The following CYLC2 variants were observed in gnomAD, a reference collection of about 807,000 sequenced individuals.
The protein encoded by CYLC2 is cylicin 2, also known as cylicin-2.
Under a neutral mutation model 26.1 loss-of-function variants are expected in CYLC2, and 30 were observed. That is an observed-to-expected ratio of 1.15 (90% CI 0.86 to 1.56). The LOEUF is 1.56. Ranked by LOEUF, CYLC2 falls within the 40% of genes most tolerant of loss-of-function variation. CYLC2 has a pLI of 0.00. For synonymous variants in CYLC2, 158 were observed against 132.8 expected, an observed-to-expected ratio of 1.19 and a Z score of -1.31; for missense variants, 498 against 394.4, an observed-to-expected ratio of 1.26 and a Z score of -2.23.
intron 2 of CYLC2, among the ~76,000 whole-genome samples, chr9:103,002,266 C>A (rs1829295599): frequency 6.6e-6 from 1 of 151,804 alleles, no homozygotes; most frequent in South Asian, 2.1e-4. Context: ...CTTCACCTAC[C>A]CAGTCACCAT....
rs1829253724 is a variant in CYLC2 at position 102,997,948 on chromosome 9, C to T, written c.17+2551C>T. Among the ~76,000 whole-genome samples the T allele has an allele frequency of 2.0e-5, 3 of 151,958 alleles. No homozygotes were observed. In the South Asian group the frequency reaches 6.2e-4, roughly 31 times the overall value. On this transcript the variant is annotated intron_variant, in intron 1 of 7. Transcript: ENST00000374798. ...TTAAGAAATAAAGTCCCCCATGTCT[C>T]TTGCTTCTCTACTTTTTATTTCAGA...
intron 1 of CYLC2, 128 bp from the exon 2 acceptor site, chr9:103,001,450 C>A: frequency 1.6e-6 from 1 of 642,742 alleles, no homozygotes; most frequent in Non-Finnish European, 2.8e-6. Context: ...TCTTATATAA[C>A]AAAAGATATC....
At chr9:103,014,562 A>G (rs1829469942) in intron 6 of CYLC2, among the ~76,000 whole-genome samples, 2 of 143,378 alleles carry the variant, frequency 1.4e-5, no homozygotes, top group Non-Finnish European at 3.0e-5. Flanking sequence ...AGTATACATC[A>G]TATGTATATT....
chr9:103,009,056 A>T (rs943746246), intron 5 of CYLC2, among the ~76,000 whole-genome samples: 1 of 152,124 alleles, frequency 6.6e-6, no homozygotes, highest in East Asian at 1.9e-4. Flanking sequence ...TTGGATTTTT[A>T]AAAATATTTT....
intron 1 of CYLC2, among the ~76,000 whole-genome samples, chr9:102,998,737 C>T (rs1212997315): frequency 6.6e-6 from 1 of 151,892 alleles, no homozygotes; most frequent in African/African-American, 2.4e-5. Flanking sequence ...ACTTTGATCA[C>T]ACAAAAAAGA....
chr9:103,013,285 TTAAA>T (rs1829434842), intron 6 of CYLC2, among the ~76,000 whole-genome samples: 1 of 80,452 alleles, frequency 1.2e-5, no homozygotes, highest in African/African-American at 5.1e-5. Context: ...ATATAACACA[TTAAA>T]TATATATTTA....
intron 5 of CYLC2, among the ~76,000 whole-genome samples, chr9:103,010,243 A>G (rs1410245779): frequency 1.3e-5 from 2 of 152,102 alleles, no homozygotes; most frequent in African/African-American, 4.8e-5. Context: ...CTTTATAATC[A>G]AGAAAATCCT....
At chr9:103,004,881 C>T (rs751523114) in intron 4 of CYLC2, 30 bp downstream of exon 4, 1 of 1,590,946 alleles carries the variant, frequency 6.3e-7, no homozygotes, top group East Asian at 2.2e-5. Context: ...TTTATAGTAT[C>T]TCTGTAATTT....
At chr9:103,012,376 C>T (rs1370897456) in intron 6 of CYLC2, among the ~76,000 whole-genome samples, 1 of 151,904 alleles carries the variant, frequency 6.6e-6, no homozygotes, top group Non-Finnish European at 1.5e-5. Context: ...TGGACAATGC[C>T]TCATTAGTAA....
At position 103,005,130 on chromosome 9, in the gene CYLC2, G is replaced by T; in HGVS notation, c.499G>T (p.Asp167Tyr). Reference sequence around the variant, plus strand: ...GAAAGATAGCAAAAAAGGTAAAAAGGATGCAGAGAAGGGCAAAGACTCAGC... The same window carrying T: ...GAAAGATAGCAAAAAAGGTAAAAAGTATGCAGAGAAGGGCAAAGACTCAGC... ...AKKDSKKGKKDAEKGKDSATE... is the reference protein window; with the variant it reads ...AKKDSKKGKKYAEKGKDSATE... Residue 167 changes from aspartate to tyrosine, a missense_variant, in exon 5 of 8, where the codon GAT becomes TAT. By Grantham distance (160) the Asp-to-Tyr change is radical (BLOSUM62 -3). Coordinates refer to ENST00000374798, the MANE Select transcript of CYLC2 (RefSeq NM_001340.5). 1 of 1,608,256 alleles carries T rather than the reference G, an allele frequency of 6.2e-7. No homozygotes were observed. The highest frequency in any genetic ancestry group is 8.5e-7 in the Non-Finnish European group (1 of 1,177,988).
chr9:103,007,351 TGAAA>T (rs1295546381), intron 5 of CYLC2, among the ~76,000 whole-genome samples: 1 of 152,060 alleles, frequency 6.6e-6, no homozygotes, highest in African/African-American at 2.4e-5. Context: ...TTATTTTGAT[TGAAA>T]GAAGGATGAA....
intron 5 of CYLC2, among the ~76,000 whole-genome samples, chr9:103,007,418 G>T (rs1829363701): frequency 6.6e-6 from 1 of 152,072 alleles, no homozygotes; most frequent in African/African-American, 2.4e-5. Flanking sequence ...GCATATGAAA[G>T]AGCTACTTGA....
chr9:103,002,511 G>A (rs537457209), intron 2 of CYLC2, among the ~76,000 whole-genome samples: 4 of 151,676 alleles, frequency 2.6e-5, no homozygotes, highest in East Asian at 1.9e-4. Context: ...GACTACAGGC[G>A]CCTGCCACCA....
intron 6 of CYLC2, among the ~76,000 whole-genome samples, chr9:103,014,635 T>A (rs189976192): frequency 7.7e-6 from 1 of 130,562 alleles, no homozygotes. Context: ...GCAGTATACA[T>A]CATATGTATA....
At chr9:102,999,951 G>T (rs990324524) in intron 1 of CYLC2, among the ~76,000 whole-genome samples, 1 of 151,618 alleles carries the variant, frequency 6.6e-6, no homozygotes. Flanking sequence ...AAGGATTTGG[G>T]TTATTTATAT....
At chr9:103,013,802 T>C (rs991761010) in intron 6 of CYLC2, among the ~76,000 whole-genome samples, 3 of 101,160 alleles carry the variant, frequency 3.0e-5, no homozygotes, top group South Asian at 3.0e-4. Context: ...TTTTATATTA[T>C]ATATTATTAT....
intron 5 of CYLC2, among the ~76,000 whole-genome samples, chr9:103,010,194 GTTAA>G (rs1270201529): frequency 6.6e-6 from 1 of 151,850 alleles, no homozygotes; most frequent in East Asian, 1.9e-4. Flanking sequence ...CATATACCAA[GTTAA>G]TTATGTACCA....
chr9:102,995,397 T>G lies in CYLC2; in HGVS notation c.17T>G (p.Phe6Cys), dbSNP rs768613134. The change falls in exon 1 of 8, where the codon TTC (phenylalanine) becomes TGC (cysteine). Residue 6 changes from phenylalanine to cysteine, a missense_variant and splice_region_variant. Coordinates refer to ENST00000374798, the MANE Select transcript of CYLC2 (RefSeq NM_001340.5). Reference protein sequence around the residue: MSLPRFQRVNFGPYDN... With the variant: MSLPRCQRVNFGPYDN... ...GTGGGGAAAATGTCTCTCCCAAGATTGTAAGTCAAATTTTATGTTTTAAAA... is the reference window on the plus strand; with the variant it reads ...GTGGGGAAAATGTCTCTCCCAAGATGGTAAGTCAAATTTTATGTTTTAAAA... 1 of 1,603,314 alleles carries G rather than the reference T, an allele frequency of 6.2e-7. No homozygotes were observed. Among genetic ancestry groups the G allele is most frequent in the South Asian group, 1.1e-5 (1 of 90,752 alleles).
rs1334943223 is a variant in CYLC2, at chr9:103,006,274, A to G, written c.*596A>G. Reference sequence around the variant, plus strand: ...AAGTAAAAGAAAAGAAAAAAAATGTATTACCACCCGATGAGCCTACATCTT... The same window carrying G: ...AAGTAAAAGAAAAGAAAAAAAATGTGTTACCACCCGATGAGCCTACATCTT... On this transcript the variant is annotated 3_prime_UTR_variant, in exon 5 of 8. Coordinates refer to ENST00000374798, the MANE Select transcript of CYLC2 (RefSeq NM_001340.5). The G allele has an allele frequency of 1.3e-5, 2 of 152,072 alleles. No individual in the cohort carries two copies. Among genetic ancestry groups the G allele is most frequent in the African/African-American group, 4.8e-5 (2 of 41,440 alleles). 9.4% of individuals were successfully genotyped at this position (152,072 alleles called of 1,614,324 possible). A position where few individuals can be genotyped will look rare whatever the true frequency, so the allele number is the denominator to read the frequency against.
Sources: allele counts gnomAD v4.1 joint callset (sites outside exome capture counted in the v4.1 genomes callset), GRCh38; gene constraint gnomAD v4.1.1; transcripts MANE v1.5; gene names NCBI Gene and HGNC (gene_info 2026-07-23, HGNC 2026-07-21).